The following TPST1 variants were observed in gnomAD, a reference collection of about 807,000 sequenced individuals.
The protein encoded by TPST1 is protein-tyrosine sulfotransferase 1.
Under a neutral mutation model 34.8 loss-of-function variants are expected in TPST1, and 20 were observed. That is an observed-to-expected ratio of 0.57 (90% confidence interval 0.40 to 0.84). TPST1 has a LOEUF of 0.84. Among genes scored for constraint, TPST1 ranks in the 40% least tolerant of loss-of-function variants. The pLI is 0.00. For synonymous variants in TPST1, 152 were observed against 159.4 expected (o/e 0.95, Z 0.35); for missense variants, 353 against 455.5 (o/e 0.78, Z 2.05).
intron 1 of TPST1, among the ~76,000 whole-genome samples, chr7:66,230,107 G>C (rs1399759545): frequency 6.6e-6 from 1 of 152,180 alleles, no homozygotes; most frequent in Non-Finnish European, 1.5e-5. Context: ...AGAATCACTT[G>C]AACCTGGGAG....
At chr7:66,268,705 A>AT (rs35475107) in intron 2 of TPST1, among the ~76,000 whole-genome samples, 1,793 of 146,148 alleles carry the variant, frequency 0.012, 11 homozygotes, top group Non-Finnish European at 0.018. Context: ...ACTGTAAACG[A>AT]TTTTTTTTTT....
intron 3 of TPST1, 119 bp from the exon 4 acceptor site, chr7:66,352,382 TTCTC>T: frequency 6.6e-7 from 1 of 1,504,416 alleles, no homozygotes; most frequent in Admixed American, 2.4e-5. Context: ...ACAGGCTTCT[TTCTC>T]ATTCTAAACT....
chr7:66,271,727 T>C (rs1310691798), intron 2 of TPST1, among the ~76,000 whole-genome samples: 1 of 152,206 alleles, frequency 6.6e-6, no homozygotes, highest in Admixed American at 6.5e-5. Context: ...GCATAATATT[T>C]CATTGTGAGT....
At chr7:66,324,381 T>C (rs1340271181) in intron 3 of TPST1, among the ~76,000 whole-genome samples, 3 of 152,334 alleles carry the variant, frequency 2.0e-5, no homozygotes, top group African/African-American at 4.8e-5. Context: ...AGAATTTGAT[T>C]GAGCTGTTTA....
intron 1 of TPST1, among the ~76,000 whole-genome samples, chr7:66,212,076 A>G (rs1789274722): frequency 6.6e-6 from 1 of 152,238 alleles, no homozygotes; most frequent in Non-Finnish European, 1.5e-5. Context: ...AAGCTGTGAC[A>G]GTTACTACAG....
At chr7:66,228,921 A>G (rs1374970791) in intron 1 of TPST1, among the ~76,000 whole-genome samples, 1 of 152,200 alleles carries the variant, frequency 6.6e-6, no homozygotes, top group African/African-American at 2.4e-5. Flanking sequence ...TGAAATTACT[A>G]CATAATAAAA....
Position 66,253,663 on chromosome 7 carries a change from A to G in TPST1, c.845+12393A>G, listed in dbSNP as rs138733694. On this transcript the variant is annotated intron_variant, in intron 2 of 5. Transcript: ENST00000304842. Reference sequence around the variant, plus strand: ...TGGGATTACAGGCATGAGCCACTGCACCCAGTCAAGAAATCCTTCTTCACT... The same window carrying G: ...TGGGATTACAGGCATGAGCCACTGCGCCCAGTCAAGAAATCCTTCTTCACT... 3.8e-3 allele frequency among the ~76,000 whole-genome samples: 573 copies of G among 151,630 alleles called. 3 individuals are homozygous for G. The highest frequency in any genetic ancestry group is 0.014 in the Middle Eastern group (4 of 294).
chr7:66,303,203 G>A (rs1791352285), intron 3 of TPST1, among the ~76,000 whole-genome samples: 1 of 151,834 alleles, frequency 6.6e-6, no homozygotes, highest in Admixed American at 6.6e-5. Context: ...ATCTGAAAAT[G>A]TTAATATAGT....
chr7:66,240,395 A>T lies in TPST1; in HGVS notation c.-31A>T. On this transcript the variant is annotated 5_prime_UTR_variant, in exon 2 of 6. Coordinates refer to ENST00000304842, the MANE Select transcript of TPST1 (RefSeq NM_003596.4). ...TTCCGAAAATCATTTTGAGCAAAATATCTGTTTAATAACAAGATAACCACA... is the reference window on the plus strand; with the variant it reads ...TTCCGAAAATCATTTTGAGCAAAATTTCTGTTTAATAACAAGATAACCACA... 1 of 1,593,140 alleles carries T rather than the reference A, an allele frequency of 6.3e-7. No individual in the cohort carries two copies. The highest frequency in any genetic ancestry group is 1.7e-4 in the Middle Eastern group (1 of 5,880).
intron 3 of TPST1, among the ~76,000 whole-genome samples, chr7:66,333,892 A>G (rs1792042974): frequency 1.3e-5 from 2 of 152,200 alleles, no homozygotes; most frequent in Admixed American, 1.3e-4. Flanking sequence ...GAGGCCGCCA[A>G]ACTAGCAACC....
chr7:66,326,047 G>A (rs1276158134), intron 3 of TPST1, among the ~76,000 whole-genome samples: 1 of 152,174 alleles, frequency 6.6e-6, no homozygotes, highest in Non-Finnish European at 1.5e-5. Context: ...TTGCAATCAG[G>A]GAGGCTCCAA....
At chr7:66,263,397 C>G (rs1223924330) in intron 2 of TPST1, among the ~76,000 whole-genome samples, 1 of 152,144 alleles carries the variant, frequency 6.6e-6, no homozygotes, top group East Asian at 1.9e-4. Context: ...AGTGGTAACT[C>G]TTTCTGGCCT....
intron 2 of TPST1, among the ~76,000 whole-genome samples, chr7:66,251,949 A>G (rs1790271056): frequency 6.6e-6 from 1 of 152,212 alleles, no homozygotes; most frequent in African/African-American, 2.4e-5. Context: ...GATTGTTTTT[A>G]GTTTGGAGCT....
At chr7:66,250,725 T>G (rs925421632) in intron 2 of TPST1, among the ~76,000 whole-genome samples, 9 of 152,202 alleles carry the variant, frequency 5.9e-5, no homozygotes, top group Non-Finnish European at 8.8e-5. Flanking sequence ...ACAGTAAGAT[T>G]AACAGCAGTA....
At chr7:66,236,654 A>G (rs1202688630) in intron 1 of TPST1, among the ~76,000 whole-genome samples, 1 of 152,202 alleles carries the variant, frequency 6.6e-6, no homozygotes, top group Non-Finnish European at 1.5e-5. Flanking sequence ...GGCACAGGTC[A>G]TCAGGACTTC....
chr7:66,248,573 G>A (rs1265687657), intron 2 of TPST1, among the ~76,000 whole-genome samples: 1 of 141,304 alleles, frequency 7.1e-6, no homozygotes, highest in South Asian at 2.2e-4. Flanking sequence ...GCATGATCTC[G>A]GCTCACTGCA....
intron 5 of TPST1, among the ~76,000 whole-genome samples, 153 bp downstream of exon 5, chr7:66,357,024 C>A (rs1334406598): frequency 6.6e-6 from 1 of 152,234 alleles, no homozygotes; most frequent in Admixed American, 6.5e-5. Context: ...AAGCACATTA[C>A]TTCACCTCTC....
Position 66,240,358 on chromosome 7 carries a change from G to A in TPST1, c.-68G>A. ...TATCTTTCTGAAGTAGACTGTCCAT[G>A]GCCTGAACATTTTCCGAAAATCATT... is the stretch of plus-strand genomic sequence containing the variant. On this transcript the variant is annotated 5_prime_UTR_variant, in exon 2 of 6. It removes an upstream start codon present in the reference 5' UTR. Transcript: ENST00000304842. 6.5e-7 allele frequency: 1 copy of A among 1,546,860 alleles called. No homozygotes were observed. The highest frequency in any genetic ancestry group is 8.7e-7 in the Non-Finnish European group (1 of 1,145,064).
chr7:66,297,422 A>G (rs1344618021), intron 3 of TPST1, among the ~76,000 whole-genome samples: 1 of 152,212 alleles, frequency 6.6e-6, no homozygotes, highest in African/African-American at 2.4e-5. Context: ...AGTGGGGATG[A>G]TGCTGTGCTC....
Sources: gnomAD v4.1 joint callset for allele counts (sites outside exome capture counted in the v4.1 genomes callset) on GRCh38, gnomAD v4.1.1 for gene constraint, MANE v1.5 for transcripts, NCBI Gene and HGNC (gene_info 2026-07-23, HGNC 2026-07-21) for gene names.